GRM6: variants seen among roughly 807,000 people sequenced by gnomAD.
The protein encoded by GRM6 is glutamate metabotropic receptor 6, also known as metabotropic glutamate receptor 6.
A neutral mutation model predicts 78.4 loss-of-function variants in GRM6; 73 were observed. The ratio of observed to expected loss-of-function variants is 0.93; its 90% CI spans 0.77 to 1.13. The LOEUF (loss-of-function observed/expected upper bound fraction) is 1.13. Ranked by LOEUF, GRM6 falls within the 50% of genes most tolerant of loss-of-function variation. GRM6 has a pLI of 0.00. For missense variants in GRM6, 1,251 were observed against 1,256.4 expected, an observed-to-expected ratio of 1.00 and a Z score of 0.07; for synonymous variants, 580 against 555.0, an observed-to-expected ratio of 1.05 and a Z score of -0.63.
At chr5:178,987,802 C>T (rs779667968) in intron 7 of GRM6, among the ~76,000 whole-genome samples, 32 of 152,000 alleles carry the variant, frequency 2.1e-4, no homozygotes, top group Admixed American at 5.9e-4. Context: ...CTGTGTCGCC[C>T]AGGCTGGAGT....
At chr5:178,985,555 T>G (rs376833764) in intron 9 of GRM6, 7 of 336,252 alleles carry the variant, frequency 2.1e-5, no homozygotes, top group East Asian at 8.3e-5. Context: ...TACAAAAAAT[T>G]AGCCGGGCGT....
At position 178,994,796 on chromosome 5, in the gene GRM6, C is replaced by T. The variant is rs1320779622; in HGVS notation, c.149G>A (p.Arg50Gln). 1 of 1,300,380 alleles carries T rather than the reference C, an allele frequency of 7.7e-7. No individual in the cohort carries two copies. Among genetic ancestry groups the T allele is most frequent in the South Asian group, 2.0e-5 (1 of 49,578 alleles). 80.6% of individuals were successfully genotyped at this position (1,300,380 alleles called of 1,614,324 possible). The change falls in exon 2 of 11, where the codon CGG (arginine) becomes CAG (glutamine). Residue 50 changes from arginine (R) to glutamine (Q), a missense_variant. Transcript: ENST00000517717. Reference protein sequence around the residue: ...TLGGLFPVHARGAAGRACGQL... With the variant: ...TLGGLFPVHAQGAAGRACGQL... ...CCCGCACGCCCGGCCCGCCGCGCCC[C>T]GCGCGTGCACCGGGAACAGGCCGCC...
Position 178,979,922 on chromosome 5 carries a change from T to G in GRM6, c.*1735A>C, listed in dbSNP as rs555501428. The G allele has an allele frequency of 6.5e-6, 1 of 154,452 alleles. No individual in the cohort carries two copies. The allele number at this position is 154,452 out of a possible 1,614,324, so 9.6% of individuals were successfully genotyped here. ...CACGCCCCATTACCCATGAGAGAGC[T>G]GCACAGGAGAGAAACCCTATGGAAT... is the stretch of plus-strand genomic sequence containing the variant. On this transcript the variant is annotated 3_prime_UTR_variant, in exon 11 of 11. Coordinates refer to ENST00000517717, the MANE Select transcript of GRM6 (RefSeq NM_000843.4).
intron 9 of GRM6, among the ~76,000 whole-genome samples, chr5:178,984,753 C>T (rs747528505): frequency 5.9e-5 from 9 of 152,174 alleles, no homozygotes; most frequent in Non-Finnish European, 1.3e-4. Flanking sequence ...TCACGGAGAA[C>T]TGCATGACCC....
rs1215785887 is a variant in GRM6, at chr5:178,988,607, C to T, written c.1354+328G>A. Among the ~76,000 whole-genome samples the T allele has an allele frequency of 6.6e-6, 1 of 152,148 alleles. No individual in the cohort carries two copies. The highest frequency in any genetic ancestry group is 6.5e-5 in the Admixed American group (1 of 15,280). ...AGTCTTAACTGTGCCCCACGTGCACCCCCAGGGTCCAGATGCCCTCAAGCT... is the reference window on the plus strand; with the variant it reads ...AGTCTTAACTGTGCCCCACGTGCACTCCCAGGGTCCAGATGCCCTCAAGCT... On this transcript the variant is annotated intron_variant, in intron 7 of 10. Coordinates refer to ENST00000517717, the MANE Select transcript of GRM6 (RefSeq NM_000843.4). This position sits in a 1 kb window ranked among gnomAD's most constrained non-coding sequence, Gnocchi z 6.0.
chr5:178,986,074 T>C (rs959573779), intron 9 of GRM6, 56 bp downstream of exon 9: 9 of 1,532,014 alleles, frequency 5.9e-6, no homozygotes, highest in African/African-American at 1.4e-5. Flanking sequence ...TTTGGCTTTG[T>C]AACGTTGCGG....
chr5:178,991,082 C>G lies in GRM6; in HGVS notation c.858-336G>C, dbSNP rs1363438198. On this transcript the variant is annotated intron_variant, in intron 4 of 10. Coordinates refer to ENST00000517717, the MANE Select transcript of GRM6 (RefSeq NM_000843.4). This position sits in a 1 kb window ranked among gnomAD's most constrained non-coding sequence, Gnocchi z 5.0. ...TGGAGATGAACTCGGGCCGGTGGGT[C>G]TCGGGCTGGGGTCCGCAGCCTCTGT... 6.6e-6 allele frequency among the ~76,000 whole-genome samples: 1 copy of G among 152,078 alleles called. No homozygotes were observed. Among genetic ancestry groups the G allele is most frequent in the East Asian group, 1.9e-4 (1 of 5,170 alleles).
In GRM6 at chr5:178,994,807, C is replaced by T. The variant is rs771760341; in HGVS notation, c.138G>A (p.Pro46=). Residue 46 remains proline, a synonymous_variant, in exon 2 of 11, where the codon CCG becomes CCA. Transcript: ENST00000517717. The stretch of plus-strand genomic sequence containing the variant: ...GGCCCGCCGCGCCCCGCGCGTGCAC[C>T]GGGAACAGGCCGCCCAGCGTCAGGC... ...AGGLTLGGLF[P]VHARGAAGRA... is the part of the protein sequence containing the mutation. 5.0e-4 allele frequency: 636 copies of T among 1,279,760 alleles called. 1 individual carries two copies. The highest frequency in any genetic ancestry group is 5.1e-4 in the Non-Finnish European group (512 of 1,012,386). 79.3% of individuals were successfully genotyped at this position (1,279,760 alleles called of 1,614,324 possible).
In GRM6 at chr5:178,978,832, A is replaced by G. The variant is rs2113304026; in HGVS notation, c.*2825T>C. The G allele has an allele frequency of 6.6e-6, 1 of 152,326 alleles. No individual in the cohort carries two copies. Among genetic ancestry groups the G allele is most frequent in the Non-Finnish European group, 1.5e-5 (1 of 68,028 alleles). The allele number at this position is 152,326 out of a possible 1,614,324, so 9.4% of individuals were successfully genotyped here. A position where few individuals can be genotyped will look rare whatever the true frequency, so the allele number is the denominator to read the frequency against. On this transcript the variant is annotated 3_prime_UTR_variant, in exon 11 of 11. Transcript: ENST00000517717. ...AGAATGCCTTATAAATTCCACACATAGAAGAAAACCCACAAAACTTTATTC... is the reference window on the plus strand; with the variant it reads ...AGAATGCCTTATAAATTCCACACATGGAAGAAAACCCACAAAACTTTATTC...
intron 6 of GRM6, 63 bp downstream of exon 6, chr5:178,989,202 C>CCCCTCACCACCCTCCCCA (rs1561719260): frequency 2.4e-5 from 31 of 1,317,580 alleles, no homozygotes; most frequent in Non-Finnish European, 2.3e-5. Flanking sequence ...TCCCGCCTTC[C>CCCCTCACCACCCTCCCCA]CCCTCCCCAC....
rs1481757952 is a variant in GRM6 at position 178,986,222 on chromosome 5, T to G, written c.2032A>C (p.Ile678Leu). 2.5e-6 allele frequency: 4 copies of G among 1,614,082 alleles called. No homozygotes were observed. The highest frequency in any genetic ancestry group is 3.4e-6 in the Non-Finnish European group (4 of 1,180,000). The change falls in exon 9 of 11, where the codon ATC becomes CTC. Residue 678 changes from isoleucine (I) to leucine (L), a missense_variant. Ile to Leu is a conservative substitution (Grantham distance 5). Transcript: ENST00000517717. ...ACCGAGCGCTTGCCCTGCTCAAAGA[T>G]GCGGTAGATACGGTTGGTCTTGGTG... ...LLTKTNRIYR[I>L]FEQGKRSVTP...
intron 5 of GRM6, 125 bp from the exon 6 acceptor site, chr5:178,989,530 A>ACTAGGCATGGCCAGGTGAG: frequency 8.3e-7 from 1 of 1,198,612 alleles, no homozygotes; most frequent in Admixed American, 1.7e-5. Context: ...GGCCAGGTGA[A>ACTAGGCATGGCCAGGTGAG]CTAGGCATGG....
At position 178,994,716 on chromosome 5, in the gene GRM6, C is replaced by G; in HGVS notation, c.229G>C (p.Asp77His). ...HRLEAMLYALDRVNADPELLP... is the reference protein window; with the variant it reads ...HRLEAMLYALHRVNADPELLP... The stretch of plus-strand genomic sequence containing the variant: ...AGCTCGGGGTCGGCGTTGACGCGGT[C>G]CAGCGCGTACAGCATGGCCTCCAGC... The change falls in exon 2 of 11, where the codon GAC (aspartate) becomes CAC (histidine). Residue 77 changes from aspartate (D) to histidine (H), a missense_variant. By Grantham distance (81) the Asp-to-His change is moderately conservative. Transcript: ENST00000517717. 1 of 1,467,248 alleles carries G rather than the reference C, an allele frequency of 6.8e-7. No individual in the cohort carries two copies. Among genetic ancestry groups the G allele is most frequent in the Non-Finnish European group, 9.0e-7 (1 of 1,111,790 alleles). 90.9% of individuals were successfully genotyped at this position (1,467,248 alleles called of 1,614,324 possible). A position where few individuals can be genotyped will look rare whatever the true frequency, so the allele number is the denominator to read the frequency against.
chr5:178,983,548 A>C, intron 9 of GRM6: 2 of 517,048 alleles, frequency 3.9e-6, no homozygotes, highest in East Asian at 4.7e-5. Flanking sequence ...GCCATTACCA[A>C]TGCCATTTAC....
At position 178,992,954 on chromosome 5, in the gene GRM6, G is replaced by A. The variant is rs555580968; in HGVS notation, c.505-871C>T. 2.6e-5 allele frequency among the ~76,000 whole-genome samples: 4 copies of A among 152,198 alleles called. No homozygotes were observed. The highest frequency in any genetic ancestry group is 7.2e-5 in the African/African-American group (3 of 41,534). On this transcript the variant is annotated intron_variant, in intron 2 of 10. Coordinates refer to ENST00000517717, the MANE Select transcript of GRM6 (RefSeq NM_000843.4). The surrounding 1 kb of genome is among the most constrained non-coding windows in gnomAD (Gnocchi z 4.9). ...GAAACAACTGAGGAGACCGAGAGAC[G>A]AGAAAGGCCCAGTGGCCACAGCTCA...
chr5:178,989,797 C>T (rs1420787136), intron 5 of GRM6: 3 of 339,236 alleles, frequency 8.8e-6, no homozygotes, highest in African/African-American at 6.4e-5. Context: ...CATCTTGTGA[C>T]TATGAGACCA....
At chr5:178,993,699 C>T (rs1392797828) in intron 2 of GRM6, among the ~76,000 whole-genome samples, 1 of 152,112 alleles carries the variant, frequency 6.6e-6, no homozygotes, top group Non-Finnish European at 1.5e-5. Context: ...CGAAAACCCC[C>T]AAACTTGTAT....
At chr5:178,985,664 C>T (rs748431468) in intron 9 of GRM6, 38 of 397,650 alleles carry the variant, frequency 9.6e-5, no homozygotes, top group Middle Eastern at 4.0e-4. Context: ...GATAGTGCCA[C>T]TGCACTCCAG....
In GRM6 at chr5:178,992,504, G is replaced by A; in HGVS notation, c.505-421C>T. 2.8e-6 allele frequency: 1 copy of A among 358,034 alleles called. No homozygotes were observed. The highest frequency in any genetic ancestry group is 5.6e-6 in the Non-Finnish European group (1 of 179,728). 22.2% of individuals were successfully genotyped at this position (358,034 alleles called of 1,614,324 possible). On this transcript the variant is annotated intron_variant, in intron 2 of 10. Transcript: ENST00000517717. This position sits in a 1 kb window ranked among gnomAD's most constrained non-coding sequence, Gnocchi z 4.9. Reference sequence around the variant, plus strand: ...CACCAAGGGGTGGTCCGCAGGGACAGGCAGCCCTAGGAGGGATTAGGGCAG... The same window carrying A: ...CACCAAGGGGTGGTCCGCAGGGACAAGCAGCCCTAGGAGGGATTAGGGCAG...
Sources: gnomAD v4.1 joint callset for allele counts (sites outside exome capture counted in the v4.1 genomes callset) on GRCh38, gnomAD v4.1.1 for gene constraint, Gnocchi (gnomAD v3.1) non-coding constraint, MANE v1.5 for transcripts, NCBI Gene and HGNC (gene_info 2026-07-23, HGNC 2026-07-21) for gene names.